The following CSMD1 variants were observed in gnomAD, a reference collection of about 807,000 sequenced individuals.
CSMD1 encodes the protein CUB and Sushi multiple domains 1.
A neutral mutation model predicts 417.5 loss-of-function variants in CSMD1; 213 were observed. The ratio of observed to expected loss-of-function variants is 0.51; its 90% confidence interval spans 0.46 to 0.57. The LOEUF (loss-of-function observed/expected upper bound fraction) is 0.57, where lower values mean the gene tolerates loss of function less well. Among genes scored for constraint, CSMD1 ranks in the 20% least tolerant of loss-of-function variants. CSMD1 has a pLI of 0.00. For synonymous variants in CSMD1, 2,862 were observed against 1,736.8 expected (o/e 1.65, Z -16.11); for missense variants, 6,923 against 4,529.7 (o/e 1.53, Z -15.17).
At chr8:3,284,594 T>G (rs1239399064) in intron 25 of CSMD1, 3 of 490,160 alleles carry the variant, frequency 6.1e-6, no homozygotes, top group Non-Finnish European at 1.1e-5. Context: ...AGCTAGATGC[T>G]GAGCTATCCA....
At chr8:3,790,601 C>T (rs1441342298) in intron 5 of CSMD1, among the ~76,000 whole-genome samples, 1 of 152,222 alleles carries the variant, frequency 6.6e-6, no homozygotes, top group East Asian at 1.9e-4. Flanking sequence ...GCATACACAA[C>T]AATTACATTT....
intron 10 of CSMD1, among the ~76,000 whole-genome samples, chr8:3,566,356 A>G (rs947072287): frequency 6.6e-6 from 1 of 152,150 alleles, no homozygotes; most frequent in African/African-American, 2.4e-5. Context: ...AACAAAATTT[A>G]AAGGTGGATA....
intron 1 of CSMD1, among the ~76,000 whole-genome samples, chr8:4,785,469 T>G (rs901748175): frequency 6.6e-6 from 1 of 152,086 alleles, no homozygotes; most frequent in African/African-American, 2.4e-5. Flanking sequence ...TTGCTAAGCT[T>G]TGGACCTCAA....
chr8:3,421,757 C>A (rs762047778), intron 12 of CSMD1, among the ~76,000 whole-genome samples: 70 of 152,312 alleles, frequency 4.6e-4, no homozygotes, highest in Non-Finnish European at 7.2e-4. Context: ...CCTGTCTCAG[C>A]CTCCAGAGTA....
At chr8:4,830,251 C>T (rs984030771) in intron 1 of CSMD1, among the ~76,000 whole-genome samples, 1 of 152,150 alleles carries the variant, frequency 6.6e-6, no homozygotes, top group African/African-American at 2.4e-5. Flanking sequence ...CCACAACACC[C>T]AAATGAATTC....
At chr8:3,835,262 T>C (rs908280217) in intron 5 of CSMD1, among the ~76,000 whole-genome samples, 1 of 151,830 alleles carries the variant, frequency 6.6e-6, no homozygotes, top group Non-Finnish European at 1.5e-5. Flanking sequence ...TAAAGACACA[T>C]GCACACATAT....
intron 1 of CSMD1, among the ~76,000 whole-genome samples, chr8:4,955,623 T>C (rs1461172474): frequency 6.6e-6 from 1 of 151,972 alleles, no homozygotes; most frequent in South Asian, 2.1e-4. Flanking sequence ...ACCCGGCTAA[T>C]TTTTGTATTT....
chr8:4,404,332 A>G (rs902759057), intron 3 of CSMD1, among the ~76,000 whole-genome samples: 16 of 152,098 alleles, frequency 1.1e-4, no homozygotes, highest in African/African-American at 3.9e-4. Flanking sequence ...GGCTTTCTCC[A>G]CTGGAATTAA....
intron 33 of CSMD1, among the ~76,000 whole-genome samples, chr8:3,198,671 A>G (rs1240886663): frequency 5.3e-5 from 8 of 152,194 alleles, no homozygotes; most frequent in African/African-American, 1.9e-4. Context: ...GGGTTTTTAC[A>G]CTGAACTGTT....
intron 3 of CSMD1, among the ~76,000 whole-genome samples, chr8:4,046,253 A>C (rs1019441836): frequency 1.1e-4 from 16 of 152,134 alleles, no homozygotes; most frequent in Admixed American, 1.0e-3. Context: ...ATTATCTTTT[A>C]TTTCTAATTA....
intron 1 of CSMD1, among the ~76,000 whole-genome samples, chr8:4,838,969 T>A (rs1224451743): frequency 1.3e-5 from 2 of 152,248 alleles, no homozygotes; most frequent in Non-Finnish European, 2.9e-5. Flanking sequence ...ATAATTTTTT[T>A]AAACAATTAC....
At chr8:4,785,679 A>G (rs151036001) in intron 1 of CSMD1, among the ~76,000 whole-genome samples, 3 of 152,078 alleles carry the variant, frequency 2.0e-5, no homozygotes, top group African/African-American at 7.2e-5. Flanking sequence ...AAACTGACAA[A>G]ATGAAGAAAG....
At chr8:3,964,834 A>T (rs1381820708) in intron 5 of CSMD1, among the ~76,000 whole-genome samples, 1 of 152,224 alleles carries the variant, frequency 6.6e-6, no homozygotes, top group Non-Finnish European at 1.5e-5. Context: ...ATACACGGTT[A>T]TTCACTTAGT....
At chr8:4,538,247 T>G (rs1055598174) in intron 2 of CSMD1, among the ~76,000 whole-genome samples, 3 of 151,984 alleles carry the variant, frequency 2.0e-5, no homozygotes, top group Non-Finnish European at 4.4e-5. Context: ...ACCCTTATAT[T>G]TTTCTAATCC....
intron 3 of CSMD1, among the ~76,000 whole-genome samples, chr8:4,139,699 A>AT (rs1279524435): frequency 2.6e-5 from 4 of 151,080 alleles, no homozygotes; most frequent in Non-Finnish European, 4.4e-5. Flanking sequence ...TAGAATGATG[A>AT]TTTTGGTGGG....
intron 6 of CSMD1, among the ~76,000 whole-genome samples, chr8:3,728,181 T>A (rs1405025188): frequency 1.3e-5 from 2 of 152,190 alleles, no homozygotes; most frequent in Non-Finnish European, 2.9e-5. Context: ...CCCCATACTG[T>A]TCTCATGGTA....
intron 5 of CSMD1, among the ~76,000 whole-genome samples, chr8:3,776,763 C>T (rs548950337): frequency 7.3e-6 from 1 of 136,544 alleles, no homozygotes; most frequent in East Asian, 2.3e-4. Flanking sequence ...AAAAAAGATA[C>T]AGAGATGATA....
At chr8:4,073,266 C>G (rs940076885) in intron 3 of CSMD1, among the ~76,000 whole-genome samples, 1 of 151,806 alleles carries the variant, frequency 6.6e-6, no homozygotes, top group Non-Finnish European at 1.5e-5. Context: ...TAAAAATAGG[C>G]CAAAATTAGA....
chr8:3,332,670 T>TGCGC (rs1806981082), intron 23 of CSMD1, among the ~76,000 whole-genome samples: 5 of 151,874 alleles, frequency 3.3e-5, no homozygotes, highest in African/African-American at 9.7e-5. Flanking sequence ...TGTGTGGGAG[T>TGCGC]GCGTGCATGT....
Sources: gnomAD v4.1 joint callset for allele counts (sites outside exome capture counted in the v4.1 genomes callset) on GRCh38, gnomAD v4.1.1 for gene constraint, MANE v1.5 for transcripts, NCBI Gene and HGNC (gene_info 2026-07-23, HGNC 2026-07-21) for gene names.